The following PARP12 variants were observed in gnomAD, a reference collection of about 807,000 sequenced individuals.
PARP12 encodes poly(ADP-ribose) polymerase family member 12.
A neutral mutation model predicts 72.4 loss-of-function variants in PARP12; 59 were observed. The ratio of observed to expected loss-of-function variants is 0.81; its 90% CI spans 0.66 to 1.01. The LOEUF (loss-of-function observed/expected upper bound fraction) is 1.01. Ranked by LOEUF, PARP12 falls within the 50% of genes least tolerant of loss-of-function variation. PARP12 has a pLI of 0.00. For synonymous variants in PARP12, 403 were observed against 371.4 expected, an observed-to-expected ratio of 1.09 and a Z score of -0.98; for missense variants, 851 against 914.0, an observed-to-expected ratio of 0.93 and a Z score of 0.89.
rs541526269 is a variant in PARP12, at chr7:140,034,322, T to G, written c.1334A>C (p.Gln445Pro). 1.2e-6 allele frequency: 2 copies of G among 1,610,972 alleles called. No individual in the cohort carries two copies. Among genetic ancestry groups the G allele is most frequent in the Non-Finnish European group, 1.7e-6 (2 of 1,178,270 alleles). Residue 445 changes from glutamine (Q) to proline (P), a missense_variant, in exon 8 of 12, where the codon CAG becomes CCG. By Grantham distance (76) the Gln-to-Pro change is moderately conservative (BLOSUM62 -1). Around this residue, in one of 3 missense-constraint regions of PARP12, gnomAD observed 347 missense variants for 396.1 expected, o/e 0.88. Transcript: ENST00000263549. ...AGTTGTGCCATAGACCAGGTTTTTC[T>G]GAACGAAGGCTGAAAAAAAACATAA... is the stretch of plus-strand genomic sequence containing the variant. ...NYELDFKAFVQKNLVYGTTKK... is the reference protein window; with the variant it reads ...NYELDFKAFVPKNLVYGTTKK...
At chr7:140,025,603 G>A (rs192157163) in intron 11 of PARP12, 288 of 454,490 alleles carry the variant, frequency 6.3e-4, no homozygotes, top group Non-Finnish European at 1.3e-4. Flanking sequence ...TGCAGAAAGA[G>A]AGAGGGAGAG....
At chr7:140,035,972 G>A (rs1235760846) in intron 7 of PARP12, among the ~76,000 whole-genome samples, 1,408 of 53,082 alleles carry the variant, frequency 0.027, 191 homozygotes, top group African/African-American at 0.039. Context: ...GGAGGAGGAC[G>A]AGGAGGAGGA....
At chr7:140,027,179 G>A (rs915876291) in intron 10 of PARP12, 97 bp downstream of exon 10, 42 of 1,502,416 alleles carry the variant, frequency 2.8e-5, no homozygotes, top group Admixed American at 3.7e-5. Context: ...CCTAACTGCC[G>A]CTCTGCTTTT....
chr7:140,039,959 G>A (rs951567562), intron 6 of PARP12, among the ~76,000 whole-genome samples: 7 of 152,188 alleles, frequency 4.6e-5, no homozygotes, highest in African/African-American at 1.7e-4. Flanking sequence ...CGCTCCAGGT[G>A]TTGGCTGACT....
chr7:140,026,454 G>GTGACCTGCGTCTCTT, intron 10 of PARP12, 106 bp from the exon 11 acceptor site: 1 of 1,467,898 alleles, frequency 6.8e-7, no homozygotes, highest in East Asian at 2.3e-5. Context: ...AAAGTGTCCT[G>GTGACCTGCGTCTCTT]GGACCAAGAG....
chr7:140,039,702 A>C (rs1816375598), intron 6 of PARP12, among the ~76,000 whole-genome samples: 1 of 152,348 alleles, frequency 6.6e-6, no homozygotes, highest in Non-Finnish European at 1.5e-5. Flanking sequence ...AATTAACAGA[A>C]AACTAAAAAA....
chr7:140,059,095 CAA>C (rs112545653), intron 1 of PARP12, among the ~76,000 whole-genome samples: 31 of 95,206 alleles, frequency 3.3e-4, no homozygotes, highest in East Asian at 3.1e-4. Flanking sequence ...GACTCTGTCT[CAA>C]AAAAAAAAAA....
At chr7:140,036,170 T>C (rs1302746703) in intron 7 of PARP12, among the ~76,000 whole-genome samples, 1 of 152,174 alleles carries the variant, frequency 6.6e-6, no homozygotes, top group Admixed American at 6.5e-5. Flanking sequence ...CCATCCCTAT[T>C]ATGAGGTTCT....
At chr7:140,060,958 G>A (rs577880917) in intron 1 of PARP12, among the ~76,000 whole-genome samples, 22 of 152,322 alleles carry the variant, frequency 1.4e-4, no homozygotes, top group African/African-American at 5.1e-4. Context: ...TCCTGGGCAT[G>A]CTTCCAAACT....
intron 7 of PARP12, among the ~76,000 whole-genome samples, chr7:140,034,994 T>C (rs1326944650): frequency 6.6e-6 from 1 of 152,202 alleles, no homozygotes; most frequent in Admixed American, 6.5e-5. Context: ...AAGTGGACCT[T>C]GAACTCACCA....
At chr7:140,049,280 C>T (rs1056889356) in intron 4 of PARP12, among the ~76,000 whole-genome samples, 3 of 152,242 alleles carry the variant, frequency 2.0e-5, no homozygotes, top group African/African-American at 7.2e-5. Flanking sequence ...AAAACAGCCA[C>T]ACCAGGGACT....
chr7:140,025,600 A>G, intron 11 of PARP12: 1 of 454,590 alleles, frequency 2.2e-6, no homozygotes, highest in Non-Finnish European at 4.4e-6. Flanking sequence ...TGGTGCAGAA[A>G]GAGAGAGGGA....
At position 140,035,974 on chromosome 7, in the gene PARP12, G is replaced by C. The variant is rs891309433; in HGVS notation, c.1325-1643C>G. ...AGGACGAGGAGGAGGAGGAGGACGA[G>C]GAGGAGGAGGAGGAGGAGGAGGAGG... is the stretch of plus-strand genomic sequence containing the variant. On this transcript the variant is annotated intron_variant, in intron 7 of 11. Coordinates refer to ENST00000263549, the MANE Select transcript of PARP12 (RefSeq NM_022750.4). Among the ~76,000 whole-genome samples the C allele has an allele frequency of 1.1e-3, 69 of 60,336 alleles. 3 individuals carry two copies. Among genetic ancestry groups the C allele is most frequent in the African/African-American group, 6.6e-3 (41 of 6,168 alleles). 39.6% of individuals were successfully genotyped at this position (60,336 alleles called of 152,430 possible).
At position 140,054,686 on chromosome 7, in the gene PARP12, T is replaced by C. The variant is rs761934598; in HGVS notation, c.838A>G (p.Ile280Val). ...EEGDQICLYH[I>V]RKSCSFQDKC... ...CCTTGAAAGCTACAACTTTTCCGGATATGGTACAAACAGATCTGATCACCC... is the reference window on the plus strand; with the variant it reads ...CCTTGAAAGCTACAACTTTTCCGGACATGGTACAAACAGATCTGATCACCC... The change falls in exon 4 of 12, where the codon ATC becomes GTC. Residue 280 changes from isoleucine (I) to valine (V), a missense_variant. Around this residue, in one of 3 missense-constraint regions of PARP12, gnomAD observed 492 missense variants for 489.3 expected, o/e 1.01. Transcript: ENST00000263549. The C allele has an allele frequency of 3.1e-6, 5 of 1,613,640 alleles. No individual in the cohort carries two copies. In the Admixed American group the frequency reaches 8.3e-5, roughly 27 times the overall value.
intron 5 of PARP12, among the ~76,000 whole-genome samples, chr7:140,042,223 G>A (rs1816506436): frequency 6.6e-6 from 1 of 152,220 alleles, no homozygotes; most frequent in African/African-American, 2.4e-5. Flanking sequence ...CACTTTATAT[G>A]TATTAGGCGA....
Position 140,028,794 on chromosome 7 carries a change from C to T in PARP12, c.1422-106G>A, listed in dbSNP as rs957725784. 12 of 902,106 alleles carry T rather than the reference C, an allele frequency of 1.3e-5. No individual in the cohort carries two copies. The African/African-American group carries it at 2.0e-4, about 15-fold the overall frequency. The allele number at this position is 902,106 out of a possible 1,614,324, so 55.9% of individuals were successfully genotyped here. A position where few individuals can be genotyped will look rare whatever the true frequency, so the allele number is the denominator to read the frequency against. On this transcript the variant is annotated intron_variant, in intron 8 of 11. Coordinates refer to ENST00000263549, the MANE Select transcript of PARP12 (RefSeq NM_022750.4). ...ATATCACCAGTCTTGAGTCTCAGCACATCATATTTCAAGAGCAGGTAGAAG... is the reference window on the plus strand; with the variant it reads ...ATATCACCAGTCTTGAGTCTCAGCATATCATATTTCAAGAGCAGGTAGAAG...
intron 5 of PARP12, among the ~76,000 whole-genome samples, chr7:140,045,199 T>C (rs977197210): frequency 2.6e-5 from 4 of 151,994 alleles, no homozygotes; most frequent in African/African-American, 9.7e-5. Context: ...TCAGCTAATT[T>C]TTTTAAAAAT....
At chr7:140,060,831 A>G (rs1817414555) in intron 1 of PARP12, among the ~76,000 whole-genome samples, 2 of 152,112 alleles carry the variant, frequency 1.3e-5, no homozygotes, top group African/African-American at 2.4e-5. Flanking sequence ...ACGCTACCTC[A>G]GATCTGATCC....
Position 140,027,261 on chromosome 7 carries a change from C to G in PARP12, c.1628+15G>C. The G allele has an allele frequency of 6.2e-7, 1 of 1,610,148 alleles. No individual in the cohort carries two copies. Among genetic ancestry groups the G allele is most frequent in the Non-Finnish European group, 8.5e-7 (1 of 1,177,176 alleles). On this transcript the variant is annotated intron_variant, in intron 10 of 11. Coordinates refer to ENST00000263549, the MANE Select transcript of PARP12 (RefSeq NM_022750.4). The stretch of plus-strand genomic sequence containing the variant: ...GACAGAGTCACCAGCCCACCAAGAG[C>G]GAGCCCCAACGCACCACTGGTAGAC...
Sources: gnomAD v4.1 joint callset for allele counts (sites outside exome capture counted in the v4.1 genomes callset) on GRCh38, gnomAD v4.1.1 for gene constraint, gnomAD v4.1.1 regional missense constraint, MANE v1.5 for transcripts, NCBI Gene and HGNC (gene_info 2026-07-23, HGNC 2026-07-21) for gene names.